Variants in PCDH15 observed in about 807,000 individuals in gnomAD.
PCDH15 encodes protocadherin related 15.
Under a neutral mutation model 178.5 loss-of-function variants are expected in PCDH15, and 129 were observed. That is an observed-to-expected ratio of 0.72 (90% CI 0.63 to 0.84). PCDH15 has a LOEUF of 0.84. Ranked by LOEUF, PCDH15 falls within the 40% of genes least tolerant of loss-of-function variation. The pLI, the probability that PCDH15 is intolerant of heterozygous loss-of-function variation, is 0.00. For missense variants in PCDH15, 2,230 were observed against 2,099.9 expected (o/e 1.06, Z -1.21); for synonymous variants, 800 against 732.0 (o/e 1.09, Z -1.50).
chr10:53,806,854 G>A lies in PCDH15; in HGVS notation c.4948C>T (p.Pro1650Ser), dbSNP rs781115343. Residue 1650 changes from proline to serine, a missense_variant, in exon 38 of 38, where the codon CCT becomes TCT. Physicochemically the swap from Pro to Ser is moderately conservative, Grantham distance 74. Transcript: ENST00000644397. ...GGCCCCTTTGATAATGTGTTCAGAG[G>A]TACATTCTCCTCATGTGTCACTGCC... ...KLAVTHEENV[P>S]LNTLSKGPFS... The A allele has an allele frequency of 2.5e-6, 4 of 1,613,824 alleles. No individual in the cohort carries two copies. The highest frequency in any genetic ancestry group is 2.5e-6 in the Non-Finnish European group (3 of 1,179,832).
Position 54,351,426 on chromosome 10 carries a change from C to T in PCDH15, c.475-4942G>A, listed in dbSNP as rs1269867870. Among the ~76,000 whole-genome samples, 4 of 152,058 alleles carry T rather than the reference C, an allele frequency of 2.6e-5. No homozygotes were observed. In the East Asian group the frequency reaches 7.8e-4, roughly 29 times the overall value. On this transcript the variant is annotated intron_variant, in intron 5 of 37. Transcript: ENST00000644397. ...ATCCAAAAGCTCTTTAAAGACAGAC[C>T]ATAATTTTTTTCTTTTTAAAAAAAT...
chr10:55,614,245 C>G (rs1476998082), intron 2 of PCDH15, among the ~76,000 whole-genome samples: 1 of 151,906 alleles, frequency 6.6e-6, no homozygotes, highest in East Asian at 1.9e-4. Context: ...ATCTCTGAAC[C>G]GACATTACCT....
intron 6 of PCDH15, among the ~76,000 whole-genome samples, chr10:54,331,838 G>A (rs2133917685): frequency 6.6e-6 from 1 of 152,088 alleles, no homozygotes. Flanking sequence ...AATGAGATGA[G>A]TCTTGAATAG....
chr10:55,102,657 A>T (rs1348649253), intron 2 of PCDH15, among the ~76,000 whole-genome samples: 2 of 152,132 alleles, frequency 1.3e-5, no homozygotes, highest in Non-Finnish European at 2.9e-5. Context: ...GAGAAATTAC[A>T]GTTGACACTT....
At chr10:54,315,350 T>C in intron 8 of PCDH15, among the ~76,000 whole-genome samples, 1 of 151,868 alleles carries the variant, frequency 6.6e-6, no homozygotes, top group East Asian at 1.9e-4. Flanking sequence ...TGAAAAGTGT[T>C]CATGTCCAAA....
intron 2 of PCDH15, among the ~76,000 whole-genome samples, chr10:55,503,760 C>A (rs1378910321): frequency 5.9e-5 from 9 of 151,358 alleles, no homozygotes; most frequent in African/African-American, 1.5e-4. Flanking sequence ...CAATCCAGAA[C>A]ACTGAAAACA....
intron 8 of PCDH15, among the ~76,000 whole-genome samples, chr10:54,306,461 A>G (rs1399657560): frequency 6.6e-6 from 1 of 151,980 alleles, no homozygotes; most frequent in Admixed American, 6.6e-5. Flanking sequence ...CATAGGGAGG[A>G]ATTGTCATAG....
At chr10:53,919,707 A>T (rs1351563530) in intron 25 of PCDH15, among the ~76,000 whole-genome samples, 1 of 152,156 alleles carries the variant, frequency 6.6e-6, no homozygotes, top group Non-Finnish European at 1.5e-5. Flanking sequence ...TAAAAACCTG[A>T]AGTAATCCTT....
At chr10:54,152,131 C>G (rs1239925056) in intron 14 of PCDH15, among the ~76,000 whole-genome samples, 1 of 152,094 alleles carries the variant, frequency 6.6e-6, no homozygotes, top group Non-Finnish European at 1.5e-5. Flanking sequence ...GCATTAATAC[C>G]TCCTACTGTG....
rs540855232 is a variant in PCDH15, at chr10:53,986,165, C to CA, written c.2868+9483dup. On this transcript the variant is annotated intron_variant, in intron 21 of 37. Transcript: ENST00000644397. ...GGGTAAAGGATTTGAATAACTTTTT[C>CA]AAAAAAAAACAACAACATACACACT... Among the ~76,000 whole-genome samples the CA allele has an allele frequency of 6.6e-3, 982 of 148,764 alleles. 6 individuals carry two copies. The highest frequency in any genetic ancestry group is 0.011 in the Middle Eastern group (3 of 284).
intron 2 of PCDH15, among the ~76,000 whole-genome samples, chr10:55,594,722 T>C (rs1036944357): frequency 6.6e-6 from 1 of 152,024 alleles, no homozygotes; most frequent in Non-Finnish European, 1.5e-5. Context: ...TAATTGCTAA[T>C]GTGTTTCATA....
At chr10:55,231,738 A>G (rs1482332937) in intron 1 of PCDH15, among the ~76,000 whole-genome samples, 1 of 151,976 alleles carries the variant, frequency 6.6e-6, no homozygotes, top group Non-Finnish European at 1.5e-5. Context: ...GTCAAATGAA[A>G]AGGTGATGAT....
intron 2 of PCDH15, chr10:55,597,012 C>A (rs548509878): frequency 6.6e-6 from 1 of 152,158 alleles, no homozygotes; most frequent in South Asian, 2.1e-4. Flanking sequence ...TATTTGCAAA[C>A]CTTATATCTC....
In PCDH15 at chr10:54,900,035, T is replaced by A. The variant is rs1247080008; in HGVS notation, c.-79-2535A>T. 3.3e-5 allele frequency among the ~76,000 whole-genome samples: 5 copies of A among 152,126 alleles called. No individual in the cohort carries two copies. In the South Asian group the frequency reaches 1.0e-3, roughly 31 times the overall value. On this transcript the variant is annotated intron_variant, in intron 2 of 5. Coordinates refer to the PCDH15 transcript ENST00000458638. Reference sequence around the variant, plus strand: ...TGCAATTAACTGTAAGAAAAAAAATTAAAACATATACACCCACAAAAGATT... The same window carrying A: ...TGCAATTAACTGTAAGAAAAAAAATAAAAACATATACACCCACAAAAGATT...
At chr10:54,138,206 T>C in intron 14 of PCDH15, among the ~76,000 whole-genome samples, 1 of 151,692 alleles carries the variant, frequency 6.6e-6, no homozygotes, top group East Asian at 1.9e-4. Context: ...TTTTTGGGGG[T>C]TTCAGTATGA....
At chr10:55,463,520 G>A (rs1488869298) in intron 2 of PCDH15, among the ~76,000 whole-genome samples, 2 of 151,966 alleles carry the variant, frequency 1.3e-5, no homozygotes, top group Non-Finnish European at 2.9e-5. Context: ...CAGGTGCAGT[G>A]GTATGTACCT....
intron 1 of PCDH15, among the ~76,000 whole-genome samples, chr10:54,769,436 C>G (rs1306498925): frequency 6.6e-6 from 1 of 150,540 alleles, no homozygotes; most frequent in Non-Finnish European, 1.5e-5. Flanking sequence ...TCAGGAACAT[C>G]CTGAGATTTT....
In PCDH15 at chr10:54,021,565, T is replaced by C. The variant is rs574983687; in HGVS notation, c.2527-1149A>G. The stretch of plus-strand genomic sequence containing the variant: ...CCATCTTCCATGATTTTGACCAGGC[T>C]TTTTCCCCCCAACTACTTTGAACAA... On this transcript the variant is annotated intron_variant, in intron 19 of 37. Transcript: ENST00000644397. Among the ~76,000 whole-genome samples the C allele has an allele frequency of 1.1e-4, 16 of 151,998 alleles. 1 individual carries two copies. The South Asian group carries it at 2.5e-3, about 24-fold the overall frequency.
At chr10:54,532,950 G>T (rs919060199) in intron 2 of PCDH15, among the ~76,000 whole-genome samples, 1 of 152,060 alleles carries the variant, frequency 6.6e-6, no homozygotes, top group African/African-American at 2.4e-5. Context: ...TGTGTGAGTT[G>T]CCCTGAGAAG....
Sources: allele counts gnomAD v4.1 joint callset (sites outside exome capture counted in the v4.1 genomes callset), GRCh38; gene constraint gnomAD v4.1.1; transcripts MANE v1.5; gene names NCBI Gene and HGNC (gene_info 2026-07-23, HGNC 2026-07-21).